The following GSE1 variants were observed in gnomAD, a reference collection of about 807,000 sequenced individuals.
The protein encoded by GSE1 is genetic suppressor element 1.
Under a neutral mutation model 112.6 loss-of-function variants are expected in GSE1, and 32 were observed. The ratio of observed to expected loss-of-function variants is 0.28; its 90% CI spans 0.21 to 0.38. The LOEUF is 0.38. Ranked by LOEUF, GSE1 falls within the 10% of genes least tolerant of loss-of-function variation. The pLI, the probability that GSE1 is intolerant of heterozygous loss-of-function variation, is 1.00. For missense variants in GSE1, 2,348 were observed against 1,699.2 expected (o/e 1.38, Z -6.71); for synonymous variants, 1,115 against 735.6 (o/e 1.52, Z -8.35).
intron 1 of GSE1, among the ~76,000 whole-genome samples, chr16:85,617,161 C>T (rs543359659): frequency 1.3e-5 from 2 of 152,346 alleles, no homozygotes; most frequent in South Asian, 2.1e-4. Flanking sequence ...GCCAGTCCAC[C>T]TGCCCCTCCT....
At chr16:85,299,196 G>C (rs889212654) in intron 1 of GSE1, among the ~76,000 whole-genome samples, 5 of 152,200 alleles carry the variant, frequency 3.3e-5, no homozygotes, top group African/African-American at 1.2e-4. Context: ...GGGTTGTCCT[G>C]GCAAGTCTAG....
intron 1 of GSE1, among the ~76,000 whole-genome samples, chr16:85,239,637 A>G (rs1555545362): frequency 6.6e-6 from 1 of 152,194 alleles, no homozygotes; most frequent in Non-Finnish European, 1.5e-5. Context: ...TGAGAGCTGG[A>G]GAGCCAGGGC....
intron 1 of GSE1, among the ~76,000 whole-genome samples, chr16:85,624,254 G>A (rs1376485933): frequency 6.6e-6 from 1 of 152,200 alleles, no homozygotes; most frequent in Non-Finnish European, 1.5e-5. Context: ...GACCTCATCC[G>A]TTCCTCTGCC....
intron 1 of GSE1, among the ~76,000 whole-genome samples, chr16:85,586,387 G>A (rs964054579): frequency 3.3e-5 from 5 of 152,158 alleles, no homozygotes; most frequent in East Asian, 1.9e-4. Context: ...CCCGAGTGCC[G>A]AGTGCCGGGA....
At chr16:85,328,868 C>A (rs925820963) in intron 1 of GSE1, among the ~76,000 whole-genome samples, 5 of 152,230 alleles carry the variant, frequency 3.3e-5, no homozygotes. Context: ...AGGAGACCAC[C>A]CAGACCTTCC....
At chr16:85,654,531 G>T in intron 4 of GSE1, 81 bp downstream of exon 4, 1 of 1,230,042 alleles carries the variant, frequency 8.1e-7, no homozygotes, top group South Asian at 1.4e-5. Context: ...GGCAGCCTGC[G>T]GTCTGCACAG....
At chr16:85,624,459 C>T (rs1270092310) in intron 1 of GSE1, among the ~76,000 whole-genome samples, 2 of 152,180 alleles carry the variant, frequency 1.3e-5, no homozygotes, top group Admixed American at 6.5e-5. Context: ...TATTCCCAGC[C>T]GTGTAGGTCC....
chr16:85,323,656 C>A (rs781032382), intron 1 of GSE1, among the ~76,000 whole-genome samples: 16 of 152,174 alleles, frequency 1.1e-4, no homozygotes, highest in Non-Finnish European at 2.1e-4. Flanking sequence ...TGCCCCCACC[C>A]CTGATTCTGG....
At chr16:85,199,204 G>A (rs867932243) in intron 1 of GSE1, among the ~76,000 whole-genome samples, 5 of 152,054 alleles carry the variant, frequency 3.3e-5, no homozygotes, top group African/African-American at 9.7e-5. Flanking sequence ...TGATCCGCCC[G>A]CCTCGGCTTC....
At chr16:85,279,241 G>T (rs2044782514) in intron 1 of GSE1, among the ~76,000 whole-genome samples, 1 of 152,214 alleles carries the variant, frequency 6.6e-6, no homozygotes, top group South Asian at 2.1e-4. Flanking sequence ...GTATTTTCCT[G>T]TGTACTCTAC....
intron 2 of GSE1, among the ~76,000 whole-genome samples, chr16:85,400,078 C>T (rs1422742447): frequency 6.6e-6 from 1 of 152,252 alleles, no homozygotes; most frequent in African/African-American, 2.4e-5. Flanking sequence ...CACGGAGCTA[C>T]TGACTGCTGA....
intron 2 of GSE1, among the ~76,000 whole-genome samples, chr16:85,535,396 C>T (rs1257990980): frequency 1.3e-5 from 2 of 150,144 alleles, no homozygotes; most frequent in East Asian, 1.9e-4. Context: ...ACCCTGGCCT[C>T]GGCCTTCCTT....
At chr16:85,377,319 C>T (rs963733766) in intron 2 of GSE1, among the ~76,000 whole-genome samples, 4 of 152,156 alleles carry the variant, frequency 2.6e-5, no homozygotes, top group African/African-American at 9.7e-5. Flanking sequence ...CCCAGTGGTT[C>T]GGGTCTGGCC....
intron 1 of GSE1, among the ~76,000 whole-genome samples, chr16:85,603,113 A>G (rs542018539): frequency 2.0e-5 from 3 of 152,366 alleles, no homozygotes; most frequent in African/African-American, 7.2e-5. Context: ...CCAGCTGCTC[A>G]GAGCTCACGA....
At chr16:85,536,180 A>C (rs1056168904) in intron 2 of GSE1, among the ~76,000 whole-genome samples, 1 of 152,202 alleles carries the variant, frequency 6.6e-6, no homozygotes, top group Non-Finnish European at 1.5e-5. Flanking sequence ...GGTCACCAAC[A>C]AGGCTTCTGT....
chr16:85,364,474 C>T (rs1332823333), intron 2 of GSE1, among the ~76,000 whole-genome samples: 2 of 152,212 alleles, frequency 1.3e-5, no homozygotes, highest in African/African-American at 4.8e-5. Flanking sequence ...TAGCCTGCAG[C>T]CACAGTATTT....
intron 11 of GSE1, 133 bp downstream of exon 11, chr16:85,663,747 CG>C (rs2052618885): frequency 2.3e-6 from 2 of 880,716 alleles, no homozygotes; most frequent in East Asian, 5.0e-5. Flanking sequence ...TTACTCCTCC[CG>C]GCTCCCGGGA....
chr16:85,402,163 C>T (rs886081345), intron 2 of GSE1, among the ~76,000 whole-genome samples: 114 of 152,190 alleles, frequency 7.5e-4, no homozygotes, highest in Non-Finnish European at 2.1e-4. Context: ...ACTCTGGGTG[C>T]CCTGCGATGT....
At chr16:85,416,517 G>A (rs1168295138) in intron 2 of GSE1, among the ~76,000 whole-genome samples, 4 of 152,206 alleles carry the variant, frequency 2.6e-5, no homozygotes, top group African/African-American at 4.8e-5. Flanking sequence ...CCCCTGCCAC[G>A]TGGGATGCGG....
Sources: allele counts gnomAD v4.1 joint callset (sites outside exome capture counted in the v4.1 genomes callset), GRCh38; gene constraint gnomAD v4.1.1; transcripts MANE v1.5; gene names NCBI Gene and HGNC (gene_info 2026-07-23, HGNC 2026-07-21).